XKR6: variants seen among roughly 807,000 people sequenced by gnomAD.
The protein encoded by XKR6 is XK-related protein 6.
In XKR6, 22 loss-of-function variants were observed where a neutral mutation model predicts 56.7. That is an observed-to-expected ratio of 0.39 (90% CI 0.28 to 0.55). The LOEUF (loss-of-function observed/expected upper bound fraction) is 0.55, where lower values mean the gene tolerates loss of function less well. Ranked by LOEUF, XKR6 falls within the 20% of genes least tolerant of loss-of-function variation. XKR6 has a pLI of 0.66. For missense variants in XKR6, 852 were observed against 889.0 expected (o/e 0.96, Z 0.53); for synonymous variants, 524 against 387.8 (o/e 1.35, Z -4.13).
intron 1 of XKR6, among the ~76,000 whole-genome samples, chr8:11,167,465 G>A (rs757693748): frequency 1.3e-5 from 2 of 152,188 alleles, no homozygotes; most frequent in Non-Finnish European, 2.9e-5. Flanking sequence ...CATCCAGGCT[G>A]GAAGTGGTTG....
At chr8:11,198,420 TAG>T (rs1804007852) in intron 1 of XKR6, among the ~76,000 whole-genome samples, 1 of 151,342 alleles carries the variant, frequency 6.6e-6, no homozygotes, top group African/African-American at 2.4e-5. Context: ...AGGAAATATT[TAG>T]AGATATATTC....
chr8:11,146,557 A>C (rs952298661), intron 1 of XKR6, among the ~76,000 whole-genome samples: 1 of 147,628 alleles, frequency 6.8e-6, no homozygotes, highest in African/African-American at 2.4e-5. Flanking sequence ...TGAGCCTAGG[A>C]GAGAGAGGCT....
chr8:10,912,115 T>G (rs540764165), intron 2 of XKR6, among the ~76,000 whole-genome samples: 44 of 148,466 alleles, frequency 3.0e-4, no homozygotes, highest in South Asian at 6.4e-4. Flanking sequence ...TGTATATATA[T>G]AGAGAGAGAG....
intron 1 of XKR6, among the ~76,000 whole-genome samples, chr8:11,118,659 C>T (rs896197312): frequency 1.3e-5 from 2 of 152,130 alleles, no homozygotes; most frequent in African/African-American, 4.8e-5. Flanking sequence ...GTGATATCCC[C>T]TTTATCATTT....
chr8:10,949,791 A>T (rs1243254488), intron 1 of XKR6, among the ~76,000 whole-genome samples: 1 of 152,162 alleles, frequency 6.6e-6, no homozygotes, highest in East Asian at 1.9e-4. Context: ...CTCCTAGCCC[A>T]AGTTGGGTGG....
intron 1 of XKR6, among the ~76,000 whole-genome samples, chr8:11,028,142 G>C (rs191221089): frequency 1.5e-5 from 2 of 137,120 alleles, no homozygotes; most frequent in African/African-American, 5.4e-5. Flanking sequence ...CTCCAACCCC[G>C]GCAACCACCG....
At chr8:10,962,508 G>T (rs960105870) in intron 1 of XKR6, among the ~76,000 whole-genome samples, 4 of 152,162 alleles carry the variant, frequency 2.6e-5, no homozygotes, top group African/African-American at 9.7e-5. Context: ...GTTTATTTAC[G>T]ATGTCTTACA....
At chr8:10,978,784 C>A (rs1272123941) in intron 1 of XKR6, among the ~76,000 whole-genome samples, 1 of 152,182 alleles carries the variant, frequency 6.6e-6, no homozygotes, top group Non-Finnish European at 1.5e-5. Flanking sequence ...GACAACTCCT[C>A]CCCCCGTGCT....
rs563296336 is a variant in XKR6, at chr8:11,093,853, G to C, written c.764+106723C>G. On this transcript the variant is annotated intron_variant, in intron 1 of 2. Coordinates refer to ENST00000416569, the MANE Select transcript of XKR6 (RefSeq NM_173683.4). ...GGCTGGAGTGCAGTGGCGTGATCTC[G>C]GCTCACTGCAAGTTCTGCCTCCCGG... 2.8e-5 allele frequency among the ~76,000 whole-genome samples: 4 copies of C among 144,904 alleles called. No homozygotes were observed. In the South Asian group the frequency reaches 6.7e-4, roughly 24 times the overall value.
At chr8:11,116,993 T>A (rs998506590) in intron 1 of XKR6, among the ~76,000 whole-genome samples, 6 of 152,332 alleles carry the variant, frequency 3.9e-5, no homozygotes, top group Admixed American at 6.5e-5. Context: ...TAAAACTCCA[T>A]CCACCACTTC....
Position 10,898,032 on chromosome 8 carries a change from C to T in XKR6, c.1846G>A (p.Val616Ile). ...LRRTINILQY[V>I]TPTAVGIRYR... Reference sequence around the variant, plus strand: ...CGAATGCCTACTGCGGTGGGGGTGACATATTGTAGAATGTTAATAGTCCTT... The same window carrying T: ...CGAATGCCTACTGCGGTGGGGGTGATATATTGTAGAATGTTAATAGTCCTT... Residue 616 changes from valine (V) to isoleucine (I), a missense_variant, in exon 3 of 3, where the codon GTC becomes ATC. Transcript: ENST00000416569. This position sits in a 1 kb window ranked among gnomAD's most constrained non-coding sequence, Gnocchi z 6.6. 1.2e-6 allele frequency: 2 copies of T among 1,613,896 alleles called. No individual in the cohort carries two copies. The highest frequency in any genetic ancestry group is 1.7e-6 in the Non-Finnish European group (2 of 1,179,894).
At chr8:11,144,674 A>G (rs909125806) in intron 1 of XKR6, among the ~76,000 whole-genome samples, 3 of 152,120 alleles carry the variant, frequency 2.0e-5, no homozygotes, top group East Asian at 3.9e-4. Context: ...ACCCAAGTAT[A>G]GGGTGAGGGC....
chr8:10,992,029 T>C (rs768430080), intron 1 of XKR6, among the ~76,000 whole-genome samples: 4 of 152,186 alleles, frequency 2.6e-5, no homozygotes, highest in Non-Finnish European at 5.9e-5. Context: ...AGCCATGTGA[T>C]AGTACAGCAG....
chr8:10,924,967 C>T (rs962420941), intron 1 of XKR6, 137 bp from the exon 2 acceptor site: 41 of 970,352 alleles, frequency 4.2e-5, no homozygotes, highest in African/African-American at 8.2e-5. Context: ...GAGGCTTGGA[C>T]GGGGCTCTGG....
chr8:11,018,889 A>G (rs534394872), intron 1 of XKR6, among the ~76,000 whole-genome samples: 10 of 152,072 alleles, frequency 6.6e-5, no homozygotes, highest in South Asian at 2.1e-4. Flanking sequence ...CCATACCCTC[A>G]GCAGACCACT....
Position 10,924,688 on chromosome 8 carries a change from G to A in XKR6, c.907C>T (p.Leu303=). ...LETFLESAPQ[L]VLQLYIMLQK... ...AGCATGATGTAGAGCTGTAGCACCAGTTGGGGCGCGCTCTCCAGGAAGGTC... is the reference window on the plus strand; with the variant it reads ...AGCATGATGTAGAGCTGTAGCACCAATTGGGGCGCGCTCTCCAGGAAGGTC... Residue 303 remains leucine, a synonymous_variant, in exon 2 of 3, where the codon CTG becomes TTG. Coordinates refer to ENST00000416569, the MANE Select transcript of XKR6 (RefSeq NM_173683.4). 1.2e-6 allele frequency: 2 copies of A among 1,613,308 alleles called. No homozygotes were observed. The highest frequency in any genetic ancestry group is 1.7e-6 in the Non-Finnish European group (2 of 1,179,968).
intron 1 of XKR6, among the ~76,000 whole-genome samples, chr8:11,154,050 G>A (rs531894018): frequency 2.0e-5 from 3 of 152,332 alleles, no homozygotes; most frequent in African/African-American, 4.8e-5. Flanking sequence ...TGGCCTTGCC[G>A]AGAAGAGACA....
Position 11,200,120 on chromosome 8 carries a change from C to G in XKR6, c.764+456G>C, listed in dbSNP as rs1301171882. ...GTTTTTCCACAGGGCCCCACGCAGG[C>G]CACTGCAGAGGGAGAACGGGGGAAG... On this transcript the variant is annotated intron_variant, in intron 1 of 2. Coordinates refer to ENST00000416569, the MANE Select transcript of XKR6 (RefSeq NM_173683.4). The surrounding 1 kb of genome is among the most constrained non-coding windows in gnomAD (Gnocchi z 6.4). Among the ~76,000 whole-genome samples, 1 of 152,194 alleles carries G rather than the reference C, an allele frequency of 6.6e-6. No individual in the cohort carries two copies. The highest frequency in any genetic ancestry group is 2.4e-5 in the African/African-American group (1 of 41,456).
At chr8:10,911,198 G>A (rs933748627) in intron 2 of XKR6, among the ~76,000 whole-genome samples, 72 of 125,684 alleles carry the variant, frequency 5.7e-4, no homozygotes, top group Non-Finnish European at 1.1e-3. Flanking sequence ...GAGAGGGTGT[G>A]CGTGTGTGTG....
Sources: gnomAD v4.1 joint callset for allele counts (sites outside exome capture counted in the v4.1 genomes callset) on GRCh38, gnomAD v4.1.1 for gene constraint, Gnocchi (gnomAD v3.1) non-coding constraint, MANE v1.5 for transcripts, NCBI Gene and HGNC (gene_info 2026-07-23, HGNC 2026-07-21) for gene names.